The following TPM3 variants were observed in gnomAD, a reference collection of about 807,000 sequenced individuals.
TPM3 encodes the protein tropomyosin alpha-3 chain.
TPM3 carries 16 observed loss-of-function variants against 43.1 expected under a neutral mutation model. That is an observed-to-expected ratio of 0.37 (90% CI 0.25 to 0.56). The LOEUF is 0.56. Among genes scored for constraint, TPM3 ranks in the 20% least tolerant of loss-of-function variants. The pLI is 0.77. For missense variants in TPM3, 176 were observed against 337.2 expected, an observed-to-expected ratio of 0.52 and a Z score of 3.74; for synonymous variants, 101 against 116.9, an observed-to-expected ratio of 0.86 and a Z score of 0.88.
intron 3 of TPM3, among the ~76,000 whole-genome samples, chr1:154,174,407 T>TATATATATACATATAC: frequency 1.4e-5 from 1 of 72,694 alleles, no homozygotes; most frequent in South Asian, 5.6e-4. Flanking sequence ...TATATATATA[T>TATATATATACATATAC]ACACACAAAA....
Position 154,164,103 on chromosome 1 carries a change from C to T in TPM3, c.*3834G>A, listed in dbSNP as rs1558032579. Among the ~76,000 whole-genome samples, 1 of 152,186 alleles carries T rather than the reference C, an allele frequency of 6.6e-6. No individual in the cohort carries two copies. Among genetic ancestry groups the T allele is most frequent in the East Asian group, 1.9e-4 (1 of 5,180 alleles). On this transcript the variant is annotated 3_prime_UTR_variant, in exon 10 of 10. Transcript: ENST00000651641. ...CCAGATTGTCAGCCGTATCTTCTTT[C>T]CCTTCCCCCAGCTCCCCAAACCAGG...
chr1:154,168,979 T>C (rs1258250369), intron 9 of TPM3, among the ~76,000 whole-genome samples: 7 of 151,424 alleles, frequency 4.6e-5, no homozygotes, highest in Non-Finnish European at 7.4e-5. Context: ...GGATTACAGG[T>C]GCACTGCCAC....
At chr1:154,170,896 C>G in intron 6 of TPM3, 185 bp from the exon 7 acceptor site, 1 of 611,268 alleles carries the variant, frequency 1.6e-6, no homozygotes. Context: ...GTCTTTAGAG[C>G]CATGAGATCC....
intron 2 of TPM3, chr1:154,183,332 C>T: frequency 1.4e-6 from 2 of 1,455,930 alleles, no homozygotes; most frequent in Admixed American, 4.4e-5. Context: ...AGTGGATCCT[C>T]CCAGTCGCCC....
rs1336015619 is a variant in TPM3 at position 154,164,642 on chromosome 1, A to G, written c.*3295T>C. Among the ~76,000 whole-genome samples the G allele has an allele frequency of 6.6e-6, 1 of 152,250 alleles. No homozygotes were observed. Among genetic ancestry groups the G allele is most frequent in the Non-Finnish European group, 1.5e-5 (1 of 68,042 alleles). ...CCCAATTTTTTCCAAAGTGTGGTGT[A>G]TTCACTGCTATAGTTACTTTAATGT... is the stretch of plus-strand genomic sequence containing the variant. On this transcript the variant is annotated 3_prime_UTR_variant, in exon 10 of 10. Transcript: ENST00000651641.
At chr1:154,189,531 C>T (rs921374734) in intron 2 of TPM3, among the ~76,000 whole-genome samples, 1 of 151,784 alleles carries the variant, frequency 6.6e-6, no homozygotes, top group African/African-American at 2.4e-5. Flanking sequence ...GGGTGGCTCA[C>T]GCCTGTAATC....
chr1:154,185,806 C>T (rs1156727485), intron 2 of TPM3, among the ~76,000 whole-genome samples: 1 of 151,452 alleles, frequency 6.6e-6, no homozygotes, highest in African/African-American at 2.5e-5. Context: ...GACTTGAGAA[C>T]GTTATCTTCC....
rs908644102 is a variant in TPM3, at chr1:154,163,961, C to T, written c.*3976G>A. The stretch of plus-strand genomic sequence containing the variant: ...TTTTTTTGTATTTGCAATTGTCCTT[C>T]ATGGTTCTAATTTACCTCCATGGCA... On this transcript the variant is annotated 3_prime_UTR_variant, in exon 10 of 10. Coordinates refer to ENST00000651641, the MANE Select transcript of TPM3 (RefSeq NM_152263.4). 6.6e-6 allele frequency among the ~76,000 whole-genome samples: 1 copy of T among 151,936 alleles called. No individual in the cohort carries two copies. The highest frequency in any genetic ancestry group is 6.6e-5 in the Admixed American group (1 of 15,242).
chr1:154,172,083 C>G (rs1661636521), intron 5 of TPM3: 1 of 1,614,066 alleles, frequency 6.2e-7, no homozygotes, highest in Non-Finnish European at 8.5e-7. Context: ...GTCTAATCTG[C>G]TCATCCATCT....
chr1:154,186,797 GAA>G (rs577424731), intron 2 of TPM3, among the ~76,000 whole-genome samples: 1 of 151,406 alleles, frequency 6.6e-6, no homozygotes, highest in Non-Finnish European at 1.5e-5. Flanking sequence ...ATTTAGGGAG[GAA>G]AAAAAAGTTT....
chr1:154,159,198 G>A (rs1256076850), downstream of TPM3: 1 of 664,696 alleles, frequency 1.5e-6, no homozygotes, highest in African/African-American at 1.8e-5. Flanking sequence ...GTAAGGCAGG[G>A]TGGATGCAAG....
chr1:154,189,239 T>G (rs1008280064), intron 2 of TPM3, among the ~76,000 whole-genome samples: 4 of 146,764 alleles, frequency 2.7e-5, no homozygotes, highest in Non-Finnish European at 5.9e-5. Flanking sequence ...TCCCAGTACT[T>G]TGGGACACTG....
intron 2 of TPM3, among the ~76,000 whole-genome samples, chr1:154,188,899 G>A (rs981206707): frequency 5.9e-5 from 9 of 151,362 alleles, no homozygotes; most frequent in African/African-American, 2.2e-4. Flanking sequence ...GAGAGGCCAA[G>A]GTGGGTGGAT....
intron 2 of TPM3, among the ~76,000 whole-genome samples, chr1:154,189,885 GA>G (rs1663606313): frequency 6.6e-6 from 1 of 151,364 alleles, no homozygotes. Context: ...AAGCATTTAT[GA>G]ATGGTTCACT....
chr1:154,160,690 A>G (rs1219661872), downstream of TPM3, among the ~76,000 whole-genome samples: 3 of 152,222 alleles, frequency 2.0e-5, no homozygotes, highest in Non-Finnish European at 4.4e-5. Context: ...AGCAATACAC[A>G]GGATTGTTCT....
chr1:154,170,723 G>A lies in TPM3; in HGVS notation c.643-12C>T, dbSNP rs1236907727. On this transcript the variant is annotated splice_polypyrimidine_tract_variant and intron_variant, in intron 6 of 9. Coordinates refer to ENST00000651641, the MANE Select transcript of TPM3 (RefSeq NM_152263.4). ...TCTTTTTGAGAGTACTGTAAGATAAGTAGATTAAAAATTTCAGAGTAGAAA... is the reference window on the plus strand; with the variant it reads ...TCTTTTTGAGAGTACTGTAAGATAAATAGATTAAAAATTTCAGAGTAGAAA... 5.7e-6 allele frequency: 9 copies of A among 1,584,826 alleles called. No individual in the cohort carries two copies. Among genetic ancestry groups the A allele is most frequent in the Non-Finnish European group, 6.9e-6 (8 of 1,156,076 alleles).
chr1:154,160,767 G>C (rs1191030614), downstream of TPM3, among the ~76,000 whole-genome samples: 1 of 152,144 alleles, frequency 6.6e-6, no homozygotes, highest in African/African-American at 2.4e-5. Flanking sequence ...TATACAGGCT[G>C]AGAACCCAAA....
chr1:154,190,518 T>C (rs1663635288), intron 2 of TPM3, among the ~76,000 whole-genome samples: 1 of 144,668 alleles, frequency 6.9e-6, no homozygotes, highest in Non-Finnish European at 1.5e-5. Context: ...CTAGACAAGC[T>C]GAGTAATTAC....
intron 2 of TPM3, among the ~76,000 whole-genome samples, chr1:154,188,538 G>A (rs894209480): frequency 7.9e-5 from 12 of 151,116 alleles, no homozygotes; most frequent in East Asian, 7.7e-4. Context: ...AGCCGGGCGC[G>A]GTGGCGGGCA....
Sources: gnomAD v4.1 joint callset for allele counts (sites outside exome capture counted in the v4.1 genomes callset) on GRCh38, gnomAD v4.1.1 for gene constraint, MANE v1.5 for transcripts, NCBI Gene and HGNC (gene_info 2026-07-23, HGNC 2026-07-21) for gene names.